UNC13C: variants seen among roughly 807,000 people sequenced by gnomAD.
UNC13C encodes unc-13 homolog C, also known as protein unc-13 homolog C.
Under a neutral mutation model 245.4 loss-of-function variants are expected in UNC13C, and 174 were observed. The observed-to-expected ratio is 0.71, with a 90% CI of 0.63 to 0.80. UNC13C has a LOEUF of 0.80. Ranked by LOEUF, UNC13C falls within the 30% of genes least tolerant of loss-of-function variation. The pLI, the probability that UNC13C is intolerant of heterozygous loss-of-function variation, is 0.00. For missense variants in UNC13C, 2,829 were observed against 2,602.9 expected (o/e 1.09, Z -1.89); for synonymous variants, 992 against 895.1 (o/e 1.11, Z -1.93).
intron 2 of UNC13C, among the ~76,000 whole-genome samples, chr15:54,047,260 T>C (rs1897079237): frequency 6.6e-6 from 1 of 152,016 alleles, no homozygotes; most frequent in Non-Finnish European, 1.5e-5. Flanking sequence ...TGATAAAATA[T>C]ACATAACAAA....
At chr15:53,870,431 C>T in the UNC13C span, among the ~76,000 whole-genome samples, 9 of 131,488 alleles carry the variant, frequency 6.8e-5, no homozygotes, top group South Asian at 3.0e-4. Flanking sequence ...TCCCACCCCC[C>T]ACCCCCACAC....
At chr15:54,062,777 C>T (rs1354339715) in intron 2 of UNC13C, among the ~76,000 whole-genome samples, 1 of 152,178 alleles carries the variant, frequency 6.6e-6, no homozygotes, top group Non-Finnish European at 1.5e-5. Flanking sequence ...ATAAGCCCTT[C>T]AGGTGATCCT....
chr15:54,546,887 GT>G, intron 27 of UNC13C, 42 bp downstream of exon 27: 2 of 1,522,794 alleles, frequency 1.3e-6, no homozygotes, highest in Admixed American at 2.3e-5. Context: ...TAACCCATCT[GT>G]TTTTGGTTTA....
chr15:54,322,895 A>G (rs1204764337), intron 14 of UNC13C, among the ~76,000 whole-genome samples: 2 of 152,006 alleles, frequency 1.3e-5, no homozygotes, highest in Non-Finnish European at 2.9e-5. Flanking sequence ...GTTTGGGGAC[A>G]TGGACAGGGA....
At chr15:54,282,044 C>T (rs2037011145) in intron 10 of UNC13C, among the ~76,000 whole-genome samples, 1 of 152,090 alleles carries the variant, frequency 6.6e-6, no homozygotes, top group Non-Finnish European at 1.5e-5. Flanking sequence ...GGGTACACTA[C>T]ATTTTGTCTC....
chr15:53,913,184 C>T, the UNC13C span: 9 of 152,222 alleles, frequency 5.9e-5, no homozygotes, highest in Admixed American at 4.6e-4. Flanking sequence ...AGCAGCAATG[C>T]CCTTCTTGCC....
chr15:54,068,386 C>A (rs1009114955), intron 2 of UNC13C, among the ~76,000 whole-genome samples: 5 of 152,086 alleles, frequency 3.3e-5, no homozygotes, highest in African/African-American at 1.2e-4. Flanking sequence ...AATGTTCTTC[C>A]CACTCCACCA....
At chr15:53,888,202 C>T in the UNC13C span, among the ~76,000 whole-genome samples, 3,160 of 152,262 alleles carry the variant, frequency 0.021, 115 homozygotes, top group African/African-American at 0.072. Flanking sequence ...TCTCCACATC[C>T]TCTCCAGCAT....
At chr15:54,299,586 C>T (rs1029229593) in intron 12 of UNC13C, among the ~76,000 whole-genome samples, 4 of 152,128 alleles carry the variant, frequency 2.6e-5, no homozygotes, top group African/African-American at 7.2e-5. Context: ...ATATTTGAAT[C>T]ATTGATTCTG....
chr15:54,215,933 A>G (rs2035026451), intron 4 of UNC13C, among the ~76,000 whole-genome samples: 2 of 152,034 alleles, frequency 1.3e-5, no homozygotes, highest in East Asian at 1.9e-4. Flanking sequence ...CATTTTGTCC[A>G]ACATAAATTG....
intron 24 of UNC13C, among the ~76,000 whole-genome samples, chr15:54,524,753 C>T (rs1396913828): frequency 1.3e-5 from 2 of 152,144 alleles, no homozygotes; most frequent in Admixed American, 6.5e-5. Flanking sequence ...ATTTGTTTTA[C>T]TCCCCAAACT....
chr15:54,451,639 A>G (rs1014507540), intron 19 of UNC13C, among the ~76,000 whole-genome samples: 1 of 151,818 alleles, frequency 6.6e-6, no homozygotes, highest in African/African-American at 2.4e-5. Flanking sequence ...TCTCTTTTGT[A>G]TGTTTCTCAT....
the UNC13C span, among the ~76,000 whole-genome samples, chr15:53,857,814 A>G: frequency 1.3e-5 from 2 of 152,190 alleles, no homozygotes; most frequent in African/African-American, 4.8e-5. Context: ...ATGTTATCTG[A>G]TTAACATTTT....
chr15:54,081,272 G>C (rs189557585), intron 2 of UNC13C, among the ~76,000 whole-genome samples: 4 of 152,176 alleles, frequency 2.6e-5, no homozygotes, highest in African/African-American at 9.6e-5. Flanking sequence ...CTTTGGTATT[G>C]AATTGAATGT....
intron 17 of UNC13C, among the ~76,000 whole-genome samples, chr15:54,385,258 G>A (rs1219873294): frequency 3.9e-5 from 6 of 152,126 alleles, no homozygotes; most frequent in Non-Finnish European, 8.8e-5. Context: ...AGTACTGGAA[G>A]TCCTTCGGTA....
chr15:54,289,769 C>T (rs530727321), intron 10 of UNC13C, among the ~76,000 whole-genome samples: 4 of 152,000 alleles, frequency 2.6e-5, no homozygotes, highest in African/African-American at 9.6e-5. Flanking sequence ...TACTGTGAAA[C>T]CCTGTATCAC....
chr15:54,421,404 T>C lies in UNC13C; in HGVS notation c.4933+6337T>C, dbSNP rs181802756. ...ATACAAATGCCCTATAGCCCAATCA[T>C]TGACTTCTTCCAAGGATCCATGGAC... On this transcript the variant is annotated intron_variant, in intron 19 of 32. Transcript: ENST00000260323. Among the ~76,000 whole-genome samples, 270 of 152,170 alleles carry C rather than the reference T, an allele frequency of 1.8e-3. 1 individual carries two copies. Among genetic ancestry groups the C allele is most frequent in the African/African-American group, 6.2e-3 (256 of 41,570 alleles).
intron 2 of UNC13C, among the ~76,000 whole-genome samples, chr15:54,020,194 C>T (rs531563135): frequency 5.9e-5 from 9 of 152,038 alleles, no homozygotes; most frequent in East Asian, 1.9e-4. Context: ...CCTGCTCACA[C>T]GGCGTTCTTA....
At chr15:54,522,793 T>C (rs1895277827) in intron 24 of UNC13C, among the ~76,000 whole-genome samples, 2 of 152,338 alleles carry the variant, frequency 1.3e-5, no homozygotes, top group East Asian at 1.9e-4. Context: ...ACATAGAAAC[T>C]TTATTTTTTT....
Sources: allele counts gnomAD v4.1 joint callset (sites outside exome capture counted in the v4.1 genomes callset), GRCh38; gene constraint gnomAD v4.1.1; transcripts MANE v1.5; gene names NCBI Gene and HGNC (gene_info 2026-07-23, HGNC 2026-07-21).